Variants in GPC5 observed in about 807,000 individuals in gnomAD.
GPC5 encodes glypican-5.
GPC5 carries 47 observed loss-of-function variants against 53.9 expected under a neutral mutation model. The ratio of observed to expected loss-of-function variants is 0.87; its 90% CI spans 0.69 to 1.11. The LOEUF is 1.11. Ranked by LOEUF, GPC5 falls within the 50% of genes most tolerant of loss-of-function variation. The probability of loss-of-function intolerance (pLI) is 0.00; values close to 1 mark genes in which losing one functional copy is unlikely to be tolerated. For synonymous variants in GPC5, 286 were observed against 263.3 expected (o/e 1.09, Z -0.84); for missense variants, 748 against 713.1 (o/e 1.05, Z -0.56).
At chr13:92,095,029 A>G (rs1054949915) in intron 6 of GPC5, among the ~76,000 whole-genome samples, 1 of 152,160 alleles carries the variant, frequency 6.6e-6, no homozygotes, top group Non-Finnish European at 1.5e-5. Context: ...TCTGAATTCA[A>G]TCAAAGTCAA....
At chr13:92,229,134 C>T (rs1040659070) in intron 7 of GPC5, among the ~76,000 whole-genome samples, 1 of 151,784 alleles carries the variant, frequency 6.6e-6, no homozygotes, top group South Asian at 2.1e-4. Flanking sequence ...TTATAATAAC[C>T]CTACATTAGG....
intron 7 of GPC5, among the ~76,000 whole-genome samples, chr13:92,300,875 A>T (rs1171962003): frequency 6.6e-6 from 1 of 152,238 alleles, no homozygotes; most frequent in Non-Finnish European, 1.5e-5. Context: ...GTCAGATAAG[A>T]TTAGCTAATT....
chr13:91,818,048 T>C (rs2038427679), intron 5 of GPC5, among the ~76,000 whole-genome samples: 1 of 152,178 alleles, frequency 6.6e-6, no homozygotes, highest in South Asian at 2.1e-4. Flanking sequence ...ATTTTAATAG[T>C]CTGATTACTG....
At chr13:92,230,038 A>G (rs1464112167) in intron 7 of GPC5, among the ~76,000 whole-genome samples, 1 of 152,126 alleles carries the variant, frequency 6.6e-6, no homozygotes. Context: ...TTTCTAAACT[A>G]AACTGCGTTT....
intron 2 of GPC5, among the ~76,000 whole-genome samples, chr13:91,603,550 G>A (rs1396196510): frequency 6.6e-6 from 1 of 152,172 alleles, no homozygotes; most frequent in East Asian, 1.9e-4. Context: ...AGATTGCTAA[G>A]GCCCAAATGA....
At chr13:91,455,755 T>C (rs1881497719) in intron 2 of GPC5, among the ~76,000 whole-genome samples, 1 of 152,104 alleles carries the variant, frequency 6.6e-6, no homozygotes, top group African/African-American at 2.4e-5. Flanking sequence ...CCCTTGCTTT[T>C]AAAAAATTTG....
intron 6 of GPC5, among the ~76,000 whole-genome samples, chr13:91,951,078 A>G (rs578058383): frequency 6.6e-6 from 1 of 152,282 alleles, no homozygotes; most frequent in East Asian, 1.9e-4. Context: ...CTAGTTTAAG[A>G]GCTCCTTGAG....
chr13:92,403,251 T>A (rs980630305), intron 7 of GPC5, among the ~76,000 whole-genome samples: 6 of 152,200 alleles, frequency 3.9e-5, no homozygotes, highest in Non-Finnish European at 8.8e-5. Flanking sequence ...CTTAAAGCAA[T>A]TTAAAACATA....
At chr13:92,724,062 T>C (rs1888572884) in intron 7 of GPC5, among the ~76,000 whole-genome samples, 1 of 151,614 alleles carries the variant, frequency 6.6e-6, no homozygotes, top group South Asian at 2.1e-4. Context: ...TAAGTTTGCA[T>C]TTTAATGTTT....
At chr13:92,691,262 C>G (rs1412977698) in intron 7 of GPC5, among the ~76,000 whole-genome samples, 1 of 117,854 alleles carries the variant, frequency 8.5e-6, no homozygotes, top group Non-Finnish European at 1.7e-5. Flanking sequence ...GGGATATAGT[C>G]TCATGGTGCG....
At chr13:92,233,101 T>A (rs2042543212) in intron 7 of GPC5, among the ~76,000 whole-genome samples, 1 of 152,210 alleles carries the variant, frequency 6.6e-6, no homozygotes, top group Non-Finnish European at 1.5e-5. Context: ...GCTTTTACAC[T>A]TGGTCATCAA....
intron 7 of GPC5, among the ~76,000 whole-genome samples, chr13:92,814,788 A>G (rs1253256606): frequency 6.6e-6 from 1 of 152,064 alleles, no homozygotes; most frequent in Non-Finnish European, 1.5e-5. Context: ...CATGTGGCAT[A>G]CATATAAAAA....
intron 7 of GPC5, among the ~76,000 whole-genome samples, chr13:92,578,319 A>C (rs1017784162): frequency 1.3e-5 from 2 of 152,206 alleles, no homozygotes; most frequent in African/African-American, 4.8e-5. Flanking sequence ...TTTGAGCATT[A>C]CTACTTTAAT....
In GPC5 at chr13:91,517,027, T is replaced by A. The variant is rs981102763; in HGVS notation, c.325+68105T>A. The stretch of plus-strand genomic sequence containing the variant: ...CTGGATCTGGCCCATGAAACCATTT[T>A]TTCTTCCTGGACCTCTGGGCCTGTG... On this transcript the variant is annotated intron_variant, in intron 2 of 7. Transcript: ENST00000377067. Among the ~76,000 whole-genome samples the A allele has an allele frequency of 4.6e-5, 7 of 152,234 alleles. No homozygotes were observed. The South Asian group carries it at 8.3e-4, about 18-fold the overall frequency.
intron 7 of GPC5, among the ~76,000 whole-genome samples, chr13:92,638,890 C>T (rs1232238407): frequency 1.3e-5 from 2 of 152,274 alleles, no homozygotes; most frequent in East Asian, 3.9e-4. Flanking sequence ...TTTATTTTGA[C>T]ACATTTGTTT....
chr13:92,777,631 A>C (rs1875867987), intron 7 of GPC5, among the ~76,000 whole-genome samples: 1 of 152,234 alleles, frequency 6.6e-6, no homozygotes, highest in East Asian at 1.9e-4. Flanking sequence ...ACAAAACAAA[A>C]CAAAGACTGG....
chr13:91,523,282 A>G (rs1885924210), intron 2 of GPC5, among the ~76,000 whole-genome samples: 1 of 152,230 alleles, frequency 6.6e-6, no homozygotes, highest in African/African-American at 2.4e-5. Context: ...TTGAAGAGAT[A>G]TTTGCAATAC....
intron 1 of GPC5, among the ~76,000 whole-genome samples, chr13:91,440,305 A>T (rs1452576548): frequency 6.6e-6 from 1 of 151,872 alleles, no homozygotes; most frequent in African/African-American, 2.4e-5. Context: ...TTTATTTTTA[A>T]TCTTTTTCTC....
intron 5 of GPC5, among the ~76,000 whole-genome samples, chr13:91,769,144 G>A (rs138254528): frequency 6.6e-6 from 1 of 152,342 alleles, no homozygotes; most frequent in Non-Finnish European, 1.5e-5. Flanking sequence ...CCTGCCAGAA[G>A]TTGCAGTCTT....
Sources: gnomAD v4.1 joint callset for allele counts (sites outside exome capture counted in the v4.1 genomes callset) on GRCh38, gnomAD v4.1.1 for gene constraint, MANE v1.5 for transcripts, NCBI Gene and HGNC (gene_info 2026-07-23, HGNC 2026-07-21) for gene names.